The following PCDHGA6 variants were observed in gnomAD, a reference collection of about 807,000 sequenced individuals.
PCDHGA6 encodes the protein protocadherin gamma-A6.
In PCDHGA6, 41 loss-of-function variants were observed where a neutral mutation model predicts 60.6. The ratio of observed to expected loss-of-function variants is 0.68; its 90% CI spans 0.53 to 0.88. The LOEUF (loss-of-function observed/expected upper bound fraction) is 0.88, where lower values mean the gene tolerates loss of function less well. PCDHGA6 is among the 40% of genes least tolerant of loss of function. The probability of loss-of-function intolerance (pLI) is 0.00; values close to 1 mark genes in which losing one functional copy is unlikely to be tolerated. For synonymous variants in PCDHGA6, 594 were observed against 524.4 expected (o/e 1.13, Z -1.81); for missense variants, 1,312 against 1,203.0 (o/e 1.09, Z -1.34).
chr5:141,430,725 G>A (rs1436128094), intron 1 of PCDHGA6: 4 of 1,497,276 alleles, frequency 2.7e-6, no homozygotes, highest in Admixed American at 2.4e-5. Flanking sequence ...AGTGGTTAAG[G>A]GCAGAATTGA....
Position 141,376,600 on chromosome 5 carries a change from G to C in PCDHGA6, c.2424+93G>C, listed in dbSNP as rs1772879011. ...CTCATCAGCTAGATCGGCTGTTATAGAAGCGAACCTCTTTTGGTACAGGAA... is the reference window on the plus strand; with the variant it reads ...CTCATCAGCTAGATCGGCTGTTATACAAGCGAACCTCTTTTGGTACAGGAA... On this transcript the variant is annotated intron_variant, in intron 1 of 3. Transcript: ENST00000517434. The C allele has an allele frequency of 2.6e-6, 4 of 1,518,830 alleles. No homozygotes were observed. The African/African-American group carries it at 4.2e-5, about 16-fold the overall frequency. The allele number at this position is 1,518,830 out of a possible 1,614,324, so 94.1% of individuals were successfully genotyped here.
chr5:141,452,533 A>G lies in PCDHGA6; in HGVS notation c.2425-42274A>G, dbSNP rs562306062. ...CACACTCCCTCAAAATCGTGAGTTC[A>G]TATTGATACCTCCAGTTCTGGTTCT... On this transcript the variant is annotated intron_variant, in intron 1 of 3. Transcript: ENST00000517434. Among the ~76,000 whole-genome samples the G allele has an allele frequency of 2.0e-5, 3 of 152,328 alleles. No individual in the cohort carries two copies. The East Asian group carries it at 5.8e-4, about 29-fold the overall frequency.
At chr5:141,384,071 C>A (rs1476893471) in intron 1 of PCDHGA6, 2 of 1,603,074 alleles carry the variant, frequency 1.2e-6, no homozygotes, top group Non-Finnish European at 1.7e-6. Context: ...GAAAACCTAC[C>A]TTTTAAATTA....
rs376734880 is a variant in PCDHGA6 at position 141,400,487 on chromosome 5, T to C, written c.2424+23980T>C. On this transcript the variant is annotated intron_variant, in intron 1 of 3. Coordinates refer to ENST00000517434, the MANE Select transcript of PCDHGA6 (RefSeq NM_018919.3). Reference sequence around the variant, plus strand: ...GATTCATCTGGGGCCTTATTTCCACTTTGTAATTCCAGCGAGTCGACTTCC... The same window carrying C: ...GATTCATCTGGGGCCTTATTTCCACCTTGTAATTCCAGCGAGTCGACTTCC... 4.8e-5 allele frequency: 78 copies of C among 1,613,958 alleles called. No individual in the cohort carries two copies. Among genetic ancestry groups the C allele is most frequent in the Non-Finnish European group, 6.6e-5 (78 of 1,179,896 alleles).
intron 1 of PCDHGA6, chr5:141,377,947 G>A (rs1280441389): frequency 1.3e-5 from 2 of 152,286 alleles, no homozygotes; most frequent in Middle Eastern, 3.4e-3. Flanking sequence ...TATAGAGTGT[G>A]TATCCAGGGC....
At position 141,432,595 on chromosome 5, in the gene PCDHGA6, C is replaced by G; in HGVS notation, c.2424+56088C>G. 6.2e-7 allele frequency: 1 copy of G among 1,613,756 alleles called. No individual in the cohort carries two copies. Among genetic ancestry groups the G allele is most frequent in the Admixed American group, 1.7e-5 (1 of 60,018 alleles). ...TGTCCTACCGTCTGCTCAAGGCCAG[C>G]GAGCCGGGACTCTTCTCGGTGGGTC... On this transcript the variant is annotated intron_variant, in intron 1 of 3. Transcript: ENST00000517434. This position sits in a 1 kb window ranked among gnomAD's most constrained non-coding sequence, Gnocchi z 6.0.
intron 1 of PCDHGA6, chr5:141,439,735 G>A (rs1317592646): frequency 1.3e-5 from 2 of 152,360 alleles, no homozygotes; most frequent in Non-Finnish European, 2.9e-5. Flanking sequence ...AGCAGGAACG[G>A]AACGGATTTA....
chr5:141,497,466 G>T (rs1047422582), intron 2 of PCDHGA6, among the ~76,000 whole-genome samples: 2 of 152,020 alleles, frequency 1.3e-5, no homozygotes, highest in African/African-American at 4.8e-5. Flanking sequence ...TGGAGATATG[G>T]AGGAGAAGGT....
intron 1 of PCDHGA6, chr5:141,419,094 G>A (rs1241481126): frequency 2.5e-6 from 4 of 1,613,776 alleles, no homozygotes; most frequent in South Asian, 1.1e-5. Flanking sequence ...GCCCTGGATC[G>A]GGAGCAGACC....
At chr5:141,450,556 G>T (rs534127421) in intron 1 of PCDHGA6, among the ~76,000 whole-genome samples, 1 of 151,940 alleles carries the variant, frequency 6.6e-6, no homozygotes, top group African/African-American at 2.4e-5. Flanking sequence ...GCGCAGTCTC[G>T]GCTCACTGCA....
Position 141,490,909 on chromosome 5 carries a change from G to T in PCDHGA6, c.2425-3898G>T. 4 of 1,613,744 alleles carry T rather than the reference G, an allele frequency of 2.5e-6. No individual in the cohort carries two copies. Among genetic ancestry groups the T allele is most frequent in the Non-Finnish European group, 3.4e-6 (4 of 1,179,762 alleles). ...ATCTCTGCATGTGTTTGTCCTAGAC[G>T]AGAATGATAATGCCCCAGCTGTGCT... On this transcript the variant is annotated intron_variant, in intron 1 of 3. Transcript: ENST00000517434. The surrounding 1 kb of genome is among the most constrained non-coding windows in gnomAD (Gnocchi z 5.4).
rs756857668 is a variant in PCDHGA6, at chr5:141,389,399, A to C, written c.2424+12892A>C. ...GGGAGCTGTCATCCTACGTGTCCAT[A>C]AGCGCGGAGAGCGGGGTGGTGTTCG... On this transcript the variant is annotated intron_variant, in intron 1 of 3. Coordinates refer to ENST00000517434, the MANE Select transcript of PCDHGA6 (RefSeq NM_018919.3). 67 of 1,613,528 alleles carry C rather than the reference A, an allele frequency of 4.2e-5. 1 individual carries two copies. Among genetic ancestry groups the C allele is most frequent in the South Asian group, 5.5e-5 (5 of 91,094 alleles).
chr5:141,409,441 G>A (rs1432743588), intron 1 of PCDHGA6: 1 of 1,613,884 alleles, frequency 6.2e-7, no homozygotes, highest in Admixed American at 1.7e-5. Context: ...TGGACCGAGA[G>A]CAGACACCAG....
chr5:141,413,111 AG>A lies in PCDHGA6; in HGVS notation c.2424+36606del, dbSNP rs962952666. ...ACACCCTGAAGCCACAGAAAGACAA[AG>A]GAACCGGTTGAAACACACAACGTGT... On this transcript the variant is annotated intron_variant, in intron 1 of 3. Transcript: ENST00000517434. 4.7e-6 allele frequency: 7 copies of A among 1,499,852 alleles called. No individual in the cohort carries two copies. In the African/African-American group the frequency reaches 8.4e-5, roughly 18 times the overall value. 92.9% of individuals were successfully genotyped at this position (1,499,852 alleles called of 1,614,324 possible). A position where few individuals can be genotyped will look rare whatever the true frequency, so the allele number is the denominator to read the frequency against.
At chr5:141,392,819 C>A (rs1346235587) in intron 1 of PCDHGA6, 7 of 1,590,376 alleles carry the variant, frequency 4.4e-6, no homozygotes, top group Non-Finnish European at 6.0e-6. Context: ...CAACAATGGC[C>A]GCTCCACAGA....
chr5:141,385,085 A>C, intron 1 of PCDHGA6: 1 of 1,614,132 alleles, frequency 6.2e-7, no homozygotes, highest in South Asian at 1.1e-5. Context: ...CAGGCTTCAG[A>C]AGGTGGCTTG....
chr5:141,427,865 G>A, intron 1 of PCDHGA6: 1 of 1,558,148 alleles, frequency 6.4e-7, no homozygotes. Flanking sequence ...GCGCCTTCGA[G>A]CTCACGATGC....
At chr5:141,482,841 G>A (rs1401298303) in intron 1 of PCDHGA6, among the ~76,000 whole-genome samples, 1 of 139,444 alleles carries the variant, frequency 7.2e-6, no homozygotes, top group Non-Finnish European at 1.5e-5. Flanking sequence ...GGAGGCCAAG[G>A]TGGGCAGATC....
In PCDHGA6 at chr5:141,490,755, C is replaced by T; in HGVS notation, c.2425-4052C>T. ...AGGTTCAGGGAGCCCCAGCCTCCTC[C>T]TTTGTGTATGTCAACCCAGAGGATG... On this transcript the variant is annotated intron_variant, in intron 1 of 3. Transcript: ENST00000517434. This position sits in a 1 kb window ranked among gnomAD's most constrained non-coding sequence, Gnocchi z 5.4. 1 of 1,614,190 alleles carries T rather than the reference C, an allele frequency of 6.2e-7. No individual in the cohort carries two copies. Among genetic ancestry groups the T allele is most frequent in the Non-Finnish European group, 8.5e-7 (1 of 1,180,026 alleles).
Sources: gnomAD v4.1 joint callset for allele counts (sites outside exome capture counted in the v4.1 genomes callset) on GRCh38, gnomAD v4.1.1 for gene constraint, Gnocchi (gnomAD v3.1) non-coding constraint, MANE v1.5 for transcripts, NCBI Gene and HGNC (gene_info 2026-07-23, HGNC 2026-07-21) for gene names.